The following ATG3 variants were observed in gnomAD, a reference collection of about 807,000 sequenced individuals.
The protein encoded by ATG3 is ubiquitin-like-conjugating enzyme ATG3.
A neutral mutation model predicts 50.7 loss-of-function variants in ATG3; 25 were observed. That is an observed-to-expected ratio of 0.49 (90% CI 0.36 to 0.69). The LOEUF (loss-of-function observed/expected upper bound fraction) is 0.69. Ranked by LOEUF, ATG3 falls within the 30% of genes least tolerant of loss-of-function variation. ATG3 has a pLI of 0.00. For synonymous variants in ATG3, 119 were observed against 125.5 expected, an observed-to-expected ratio of 0.95 and a Z score of 0.34; for missense variants, 281 against 376.0, an observed-to-expected ratio of 0.75 and a Z score of 2.09.
intron 1 of ATG3, among the ~76,000 whole-genome samples, chr3:112,559,059 C>T (rs78091687): frequency 6.6e-6 from 1 of 152,068 alleles, no homozygotes; most frequent in African/African-American, 2.4e-5. Flanking sequence ...TACAAACATT[C>T]TAAGATTTAA....
At chr3:112,549,798 CAAAA>C (rs71631400) in intron 4 of ATG3, among the ~76,000 whole-genome samples, 27 of 116,796 alleles carry the variant, frequency 2.3e-4, no homozygotes, top group African/African-American at 3.3e-4. Flanking sequence ...TCAAAACAAC[CAAAA>C]AAAAAAAAAA....
rs1208414524 is a variant in ATG3, at chr3:112,541,821, C to A, written c.457G>T (p.Glu153Ter). 6.2e-7 allele frequency: 1 copy of A among 1,612,010 alleles called. No homozygotes were observed. The highest frequency in any genetic ancestry group is 8.5e-7 in the Non-Finnish European group (1 of 1,179,602). Residue 153 changes from glutamate (E) to a stop codon, truncating the protein, a stop_gained, in exon 7 of 12, where the codon GAA (glutamate) becomes TAA (stop). Transcript: ENST00000283290. LOFTEE classifies it high-confidence loss of function. The part of the protein sequence containing the change: ...CEEEEDEDEG[E>*]AADMEEYEES... ...GGAATACCTTCCATATCTGCAGCTT[C>A]TCCTTCATCTTCATCTTCTTCCTCT...
intron 7 of ATG3, among the ~76,000 whole-genome samples, chr3:112,541,437 A>C (rs1458846751): frequency 2.6e-5 from 4 of 152,220 alleles, no homozygotes; most frequent in Non-Finnish European, 5.9e-5. Context: ...AGGTTTTAAT[A>C]GAAAGATGCT....
chr3:112,535,022 T>C (rs1293990693), intron 10 of ATG3: 2 of 150,886 alleles, frequency 1.3e-5, no homozygotes, highest in Non-Finnish European at 3.0e-5. Flanking sequence ...TATTTATTTA[T>C]ATGAAGTTTT....
In ATG3 at chr3:112,561,835, C is replaced by T; in HGVS notation, c.-307G>A. On this transcript the variant is annotated 5_prime_UTR_variant, in exon 1 of 12. Transcript: ENST00000283290. ...AGGGAGACCTGAGGTGAGAAGCGGA[C>T]GCACACGCACCCCTCGCCCTCTGCG... The T allele has an allele frequency of 5.2e-6, 2 of 381,480 alleles. No homozygotes were observed. The highest frequency in any genetic ancestry group is 6.1e-5 in the East Asian group (1 of 16,386). The allele number at this position is 381,480 out of a possible 1,614,324, so 23.6% of individuals were successfully genotyped here. A position where few individuals can be genotyped will look rare whatever the true frequency, so the allele number is the denominator to read the frequency against.
chr3:112,552,089 G>T (rs1292937972), intron 3 of ATG3, among the ~76,000 whole-genome samples: 1 of 150,780 alleles, frequency 6.6e-6, no homozygotes, highest in Non-Finnish European at 1.5e-5. Flanking sequence ...TTATCAATTG[G>T]AAACTTATTA....
chr3:112,555,156 T>C (rs915005329), intron 2 of ATG3, among the ~76,000 whole-genome samples: 2 of 152,190 alleles, frequency 1.3e-5, no homozygotes, highest in Non-Finnish European at 2.9e-5. Flanking sequence ...GTCCCTATAG[T>C]ATCTTCTATT....
At chr3:112,545,926 G>C (rs1933356333) in intron 5 of ATG3, among the ~76,000 whole-genome samples, 1 of 152,156 alleles carries the variant, frequency 6.6e-6, no homozygotes, top group South Asian at 2.1e-4. Context: ...GGATAAAGCA[G>C]ATTACCCTCT....
intron 6 of ATG3, among the ~76,000 whole-genome samples, chr3:112,542,104 T>C (rs1933248010): frequency 6.8e-6 from 1 of 148,054 alleles, no homozygotes; most frequent in African/African-American, 2.6e-5. Flanking sequence ...AAGGTTATTA[T>C]GGGAGCAGTA....
chr3:112,538,078 ATTAG>A, intron 8 of ATG3, 64 bp downstream of exon 8: 7 of 1,299,400 alleles, frequency 5.4e-6, no homozygotes, highest in Non-Finnish European at 6.4e-6. Flanking sequence ...TCAATATATT[ATTAG>A]TAAGAACATG....
At chr3:112,552,469 A>G (rs1933553549) in intron 3 of ATG3, among the ~76,000 whole-genome samples, 1 of 152,054 alleles carries the variant, frequency 6.6e-6, no homozygotes, top group African/African-American at 2.4e-5. Flanking sequence ...AATTGGTATC[A>G]TAAACCTTTC....
At chr3:112,535,273 G>A (rs1932996968) in intron 10 of ATG3, 1 of 152,090 alleles carries the variant, frequency 6.6e-6, no homozygotes, top group African/African-American at 2.4e-5. Flanking sequence ...GGATTTGAAG[G>A]CACAATCTGA....
intron 2 of ATG3, among the ~76,000 whole-genome samples, chr3:112,555,799 C>G (rs1933655255): frequency 6.6e-6 from 1 of 152,216 alleles, no homozygotes; most frequent in African/African-American, 2.4e-5. Flanking sequence ...AGACAGCCAG[C>G]TGGGCTAATT....
Position 112,546,218 on chromosome 3 carries a change from A to G in ATG3, c.344-2112T>C, listed in dbSNP as rs60934472. On this transcript the variant is annotated intron_variant, in intron 5 of 11. Transcript: ENST00000283290. ...CTATATCTATACCTATACCTATGCA[A>G]TAGTCCTCACTTATCTGTGGGGAAT... Among the ~76,000 whole-genome samples, 730 of 152,320 alleles carry G rather than the reference A, an allele frequency of 4.8e-3. 6 individuals carry two copies. The highest frequency in any genetic ancestry group is 0.016 in the African/African-American group (670 of 41,568).
Position 112,541,873 on chromosome 3 carries a change from C to A in ATG3, c.405G>T (p.Arg135Ser). The A allele has an allele frequency of 6.2e-7, 1 of 1,610,430 alleles. No homozygotes were observed. The highest frequency in any genetic ancestry group is 8.5e-7 in the Non-Finnish European group (1 of 1,178,614). The change falls in exon 7 of 12, where the codon AGG (arginine) becomes AGT (serine). Residue 135 changes from arginine (R) to serine (S), a missense_variant. Arg to Ser is a moderately radical substitution (Grantham distance 110). Coordinates refer to ENST00000283290, the MANE Select transcript of ATG3 (RefSeq NM_022488.5). Reference protein sequence around the residue: ...EITLENKDNIRLQDCSALCEE... With the variant: ...EITLENKDNISLQDCSALCEE... ...CACATAGTGCTGAGCAATCTTGAAG[C>A]CTTATATTGTCCTTTGAAATTAATT...
rs1168739752 is a variant in ATG3, at chr3:112,558,526, C to G, written c.73-109G>C. The G allele has an allele frequency of 5.3e-5, 43 of 812,222 alleles. No individual in the cohort carries two copies. In the East Asian group the frequency reaches 1.1e-3, roughly 20 times the overall value. The allele number at this position is 812,222 out of a possible 1,614,324, so 50.3% of individuals were successfully genotyped here. A position where few individuals can be genotyped will look rare whatever the true frequency, so the allele number is the denominator to read the frequency against. On this transcript the variant is annotated intron_variant, in intron 1 of 11. Coordinates refer to ENST00000283290, the MANE Select transcript of ATG3 (RefSeq NM_022488.5). ...GCCCTTCTAGGCAATAGAGCACATA[C>G]AAAAAAAAATTAGTCTATCTATCTA...
chr3:112,550,522 G>A (rs1416325500), intron 3 of ATG3, among the ~76,000 whole-genome samples: 1 of 152,150 alleles, frequency 6.6e-6, no homozygotes, highest in Non-Finnish European at 1.5e-5. Flanking sequence ...AAAAAAGGTA[G>A]AATAATATAG....
Position 112,552,675 on chromosome 3 carries a change from C to T in ATG3, c.164+605G>A, listed in dbSNP as rs543853753. Among the ~76,000 whole-genome samples the T allele has an allele frequency of 1.4e-4, 21 of 147,824 alleles. 1 individual carries two copies. In the South Asian group the frequency reaches 4.0e-3, roughly 28 times the overall value. Reference sequence around the variant, plus strand: ...TTTTTTTTTTTTTTTGAGACGGGAGCCTCTCACTCTGTTGCCCAGGCTGGA... The same window carrying T: ...TTTTTTTTTTTTTTTGAGACGGGAGTCTCTCACTCTGTTGCCCAGGCTGGA... On this transcript the variant is annotated intron_variant, in intron 3 of 11. Transcript: ENST00000283290.
At chr3:112,545,665 C>T (rs1933350189) in intron 5 of ATG3, among the ~76,000 whole-genome samples, 1 of 152,080 alleles carries the variant, frequency 6.6e-6, no homozygotes, top group Non-Finnish European at 1.5e-5. Context: ...AAAAACAAAG[C>T]AAATCAACCT....
Sources: gnomAD v4.1 joint callset for allele counts (sites outside exome capture counted in the v4.1 genomes callset) on GRCh38, gnomAD v4.1.1 for gene constraint, MANE v1.5 for transcripts, NCBI Gene and HGNC (gene_info 2026-07-23, HGNC 2026-07-21) for gene names.